EFCAB13: variants seen among roughly 807,000 people sequenced by gnomAD.
The protein encoded by EFCAB13 is EF-hand calcium binding domain 13, also known as EF-hand calcium-binding domain-containing protein 13.
A neutral mutation model predicts 110.2 loss-of-function variants in EFCAB13; 91 were observed. The ratio of observed to expected loss-of-function variants is 0.83; its 90% CI spans 0.70 to 0.98. The LOEUF (loss-of-function observed/expected upper bound fraction) is 0.98. Among genes scored for constraint, EFCAB13 ranks in the 50% least tolerant of loss-of-function variants. The pLI is 0.00. For missense variants in EFCAB13, 968 were observed against 1,119.4 expected (o/e 0.86, Z 1.93); for synonymous variants, 323 against 369.9 (o/e 0.87, Z 1.45).
chr17:47,342,114 A>T (rs1035070901), intron 6 of EFCAB13, 82 bp downstream of exon 6: 8 of 750,678 alleles, frequency 1.1e-5, no homozygotes, highest in Non-Finnish European at 1.7e-5. Context: ...TTTTTAGTCC[A>T]AGTGTTGAAA....
At chr17:47,432,512 C>T (rs1056760096) in intron 24 of EFCAB13, among the ~76,000 whole-genome samples, 3 of 151,970 alleles carry the variant, frequency 2.0e-5, no homozygotes, top group Non-Finnish European at 4.4e-5. Flanking sequence ...ATTGCTTGAG[C>T]CCAGGAGGTT....
At chr17:47,380,880 C>CT (rs751480738) in intron 14 of EFCAB13, among the ~76,000 whole-genome samples, 6,955 of 122,866 alleles carry the variant, frequency 0.057, 265 homozygotes, top group Middle Eastern at 0.16. Flanking sequence ...ATTGCTTCTT[C>CT]TTTTTTTTTT....
intron 10 of EFCAB13, among the ~76,000 whole-genome samples, chr17:47,364,324 TTC>T (rs1016375083): frequency 1.6e-4 from 24 of 152,132 alleles, no homozygotes; most frequent in African/African-American, 5.6e-4. Context: ...GTCTTTCTAT[TTC>T]TCTCTCTTTT....
At chr17:47,413,245 A>AT (rs56780891) in intron 22 of EFCAB13, among the ~76,000 whole-genome samples, 138 of 151,288 alleles carry the variant, frequency 9.1e-4, no homozygotes, top group Non-Finnish European at 1.6e-3. Context: ...ATCTGCTTTC[A>AT]TTTTTTTTTT....
At chr17:47,349,996 G>A (rs184369167) in intron 9 of EFCAB13, among the ~76,000 whole-genome samples, 58 of 151,630 alleles carry the variant, frequency 3.8e-4, no homozygotes, top group African/African-American at 1.4e-3. Context: ...GGATGGTCTC[G>A]ATCTCTTGAC....
At chr17:47,409,718 A>C (rs2143462506) in intron 21 of EFCAB13, 27 bp downstream of exon 21, 1 of 1,514,724 alleles carries the variant, frequency 6.6e-7, no homozygotes, top group Non-Finnish European at 9.2e-7. Context: ...TATATGAGAA[A>C]ATTTTCAATA....
At position 47,325,947 on chromosome 17, in the gene EFCAB13, TATATATATATATATAG is replaced by T. The variant is rs1289280985; in HGVS notation, c.-247-278_-247-263del. Among the ~76,000 whole-genome samples the T allele has an allele frequency of 1.2e-4, 10 of 85,506 alleles. No homozygotes were observed. The South Asian group carries it at 1.7e-3, about 15-fold the overall frequency. The allele number at this position is 85,506 out of a possible 152,430, so 56.1% of individuals were successfully genotyped here. A position where few individuals can be genotyped will look rare whatever the true frequency, so the allele number is the denominator to read the frequency against. On this transcript the variant is annotated intron_variant, in intron 2 of 24. Transcript: ENST00000331493. ...AAATATATATATATATATATATATATATATATATATATATAGCATATATATATTTTGTTCATTGGTA... is the reference window on the plus strand; with the variant it reads ...AAATATATATATATATATATATATATCATATATATATTTTGTTCATTGGTA...
At chr17:47,379,719 T>TA (rs1194599103) in intron 14 of EFCAB13, among the ~76,000 whole-genome samples, 1 of 152,148 alleles carries the variant, frequency 6.6e-6, no homozygotes, top group East Asian at 1.9e-4. Context: ...GTAGAACTAT[T>TA]ACCACAATAC....
intron 8 of EFCAB13, among the ~76,000 whole-genome samples, chr17:47,346,203 A>G (rs2065414855): frequency 6.6e-6 from 1 of 152,112 alleles, no homozygotes; most frequent in African/African-American, 2.4e-5. Context: ...GCAACTCACT[A>G]TTTCCTCATA....
intron 9 of EFCAB13, among the ~76,000 whole-genome samples, chr17:47,355,853 G>A (rs2065477930): frequency 6.6e-6 from 1 of 152,008 alleles, no homozygotes; most frequent in African/African-American, 2.4e-5. Context: ...TTACTGGCAT[G>A]AGCCACTGCA....
intron 5 of EFCAB13, among the ~76,000 whole-genome samples, chr17:47,338,168 A>G (rs1293175799): frequency 2.0e-5 from 3 of 152,178 alleles, no homozygotes; most frequent in Non-Finnish European, 4.4e-5. Flanking sequence ...GGGGGATATA[A>G]AGCACCAGTA....
Position 47,379,221 on chromosome 17 carries a change from T to C in EFCAB13, c.1550T>C (p.Leu517Pro), listed in dbSNP as rs1360372697. 1.2e-6 allele frequency: 2 copies of C among 1,613,620 alleles called. No homozygotes were observed. Among genetic ancestry groups the C allele is most frequent in the Non-Finnish European group, 1.7e-6 (2 of 1,179,666 alleles). ...GAGTTAGATGACTTTGTAAATGCTC[T>C]CGCCAAGGAGCGAAGTTTTCCTGAA... Reference protein sequence around the residue: ...MVELDDFVNALAKERSFPECN... With the variant: ...MVELDDFVNAPAKERSFPECN... The change falls in exon 14 of 25, where the codon CTC becomes CCC. Residue 517 changes from leucine to proline, a missense_variant. Transcript: ENST00000331493.
At chr17:47,369,793 T>C (rs901193341) in intron 10 of EFCAB13, 2 of 152,400 alleles carry the variant, frequency 1.3e-5, no homozygotes, top group Non-Finnish European at 2.9e-5. Flanking sequence ...CTGTGCACAA[T>C]TGAAATGACA....
At chr17:47,397,772 C>T (rs1321301049) in intron 17 of EFCAB13, among the ~76,000 whole-genome samples, 1 of 151,676 alleles carries the variant, frequency 6.6e-6, no homozygotes, top group Non-Finnish European at 1.5e-5. Context: ...GACCCTCCGC[C>T]TGGCAACCGC....
intron 23 of EFCAB13, among the ~76,000 whole-genome samples, chr17:47,419,096 T>TA (rs1217536246): frequency 6.6e-6 from 1 of 152,126 alleles, no homozygotes. Flanking sequence ...TAGTAAAAAT[T>TA]AAGCAACATA....
intron 10 of EFCAB13, among the ~76,000 whole-genome samples, chr17:47,365,776 T>C (rs1303962300): frequency 1.3e-5 from 2 of 152,270 alleles, no homozygotes; most frequent in Non-Finnish European, 2.9e-5. Context: ...AAGAGGATTG[T>C]ACCTGTAGAA....
intron 20 of EFCAB13, among the ~76,000 whole-genome samples, chr17:47,407,023 G>GT (rs1161790513): frequency 6.6e-6 from 1 of 152,134 alleles, no homozygotes; most frequent in Non-Finnish European, 1.5e-5. Context: ...TAGTCCAAAT[G>GT]TTTGTGACTG....
At chr17:47,333,278 T>C (rs1409990337) in intron 4 of EFCAB13, among the ~76,000 whole-genome samples, 2 of 152,186 alleles carry the variant, frequency 1.3e-5, no homozygotes, top group Non-Finnish European at 2.9e-5. Flanking sequence ...CATTTTTTGA[T>C]TGGATAGTTT....
At chr17:47,356,691 T>C (rs1336917738) in intron 9 of EFCAB13, among the ~76,000 whole-genome samples, 1 of 152,230 alleles carries the variant, frequency 6.6e-6, no homozygotes, top group Non-Finnish European at 1.5e-5. Flanking sequence ...CTGGTTGGCC[T>C]CCAGCCAGGA....
Sources: allele counts gnomAD v4.1 joint callset (sites outside exome capture counted in the v4.1 genomes callset), GRCh38; gene constraint gnomAD v4.1.1; transcripts MANE v1.5; gene names NCBI Gene and HGNC (gene_info 2026-07-23, HGNC 2026-07-21).